CLRN1: variants seen among roughly 807,000 people sequenced by gnomAD.
CLRN1 encodes clarin 1.
CLRN1 carries 15 observed loss-of-function variants against 18.7 expected under a neutral mutation model. The observed-to-expected ratio is 0.80, with a 90% CI of 0.54 to 1.23. The LOEUF is 1.23. Among genes scored for constraint, CLRN1 ranks in the 50% most tolerant of loss-of-function variants. The pLI is 0.00. For missense variants in CLRN1, 311 were observed against 277.5 expected (o/e 1.12, Z -0.86); for synonymous variants, 104 against 102.9 (o/e 1.01, Z -0.07).
intron 2 of CLRN1, among the ~76,000 whole-genome samples, chr3:150,938,557 C>G (rs541255868): frequency 1.3e-5 from 2 of 152,220 alleles, no homozygotes; most frequent in South Asian, 2.1e-4. Flanking sequence ...GCCAGTCCAT[C>G]TGACCCTCAA....
At chr3:150,948,439 G>C (rs546369842) in intron 1 of CLRN1, among the ~76,000 whole-genome samples, 2 of 134,370 alleles carry the variant, frequency 1.5e-5, no homozygotes, top group Non-Finnish European at 3.1e-5. Context: ...AGCCGAGATC[G>C]CGCCACTGCA....
intron 1 of CLRN1, among the ~76,000 whole-genome samples, chr3:150,952,328 G>C (rs1714531348): frequency 6.6e-6 from 1 of 152,148 alleles, no homozygotes; most frequent in East Asian, 1.9e-4. Context: ...GCAGCTCCCA[G>C]TCAGTCACAG....
chr3:150,958,671 C>A (rs2107977590), intron 1 of CLRN1, among the ~76,000 whole-genome samples: 1 of 152,330 alleles, frequency 6.6e-6, no homozygotes, highest in South Asian at 2.1e-4. Flanking sequence ...TAAGAACTTC[C>A]CTCTGATTTT....
chr3:150,949,589 T>C (rs1409882048), intron 1 of CLRN1, among the ~76,000 whole-genome samples: 5 of 152,076 alleles, frequency 3.3e-5, no homozygotes, highest in Non-Finnish European at 1.5e-5. Flanking sequence ...AGCAATCCCA[T>C]TCACAATTAC....
chr3:150,929,171 A>T (rs553136119), intron 2 of CLRN1, among the ~76,000 whole-genome samples: 1 of 152,110 alleles, frequency 6.6e-6, no homozygotes, highest in Non-Finnish European at 1.5e-5. Context: ...CTCATCTATC[A>T]CTCATTGGTA....
At chr3:150,950,571 A>G (rs1409746146) in intron 1 of CLRN1, among the ~76,000 whole-genome samples, 1 of 152,266 alleles carries the variant, frequency 6.6e-6, no homozygotes, top group Non-Finnish European at 1.5e-5. Flanking sequence ...ATCACTGATC[A>G]TTAGAGAAAT....
chr3:150,939,352 C>T (rs1362413628), intron 2 of CLRN1, among the ~76,000 whole-genome samples: 1 of 152,182 alleles, frequency 6.6e-6, no homozygotes, highest in African/African-American at 2.4e-5. Context: ...TGCTCTGGGG[C>T]CTCTCCTCAA....
chr3:150,962,405 A>G (rs532667937), intron 1 of CLRN1, among the ~76,000 whole-genome samples: 2 of 152,338 alleles, frequency 1.3e-5, no homozygotes, highest in East Asian at 3.9e-4. Context: ...AAATACACCT[A>G]TAACTTTATG....
At chr3:150,963,575 A>C (rs576248371) in intron 1 of CLRN1, among the ~76,000 whole-genome samples, 2 of 152,342 alleles carry the variant, frequency 1.3e-5, no homozygotes, top group African/African-American at 4.8e-5. Flanking sequence ...TTTAAATTTC[A>C]TATGGAACCA....
intron 1 of CLRN1, among the ~76,000 whole-genome samples, chr3:150,950,381 C>T (rs899764241): frequency 6.6e-6 from 1 of 152,158 alleles, no homozygotes. Context: ...AGACAACCTA[C>T]AGAATGGGAG....
chr3:150,942,109 A>T (rs367998734), intron 1 of CLRN1, among the ~76,000 whole-genome samples: 1 of 152,136 alleles, frequency 6.6e-6, no homozygotes, highest in African/African-American at 2.4e-5. Flanking sequence ...CATTTAAAAA[A>T]ATTTATCTTA....
At position 150,927,674 on chromosome 3, in the gene CLRN1, A is replaced by C; in HGVS notation, c.*262T>G. The C allele has an allele frequency of 1.7e-6, 1 of 605,182 alleles. No homozygotes were observed. Among genetic ancestry groups the C allele is most frequent in the Non-Finnish European group, 3.1e-6 (1 of 325,754 alleles). The allele number at this position is 605,182 out of a possible 1,614,324, so 37.5% of individuals were successfully genotyped here. On this transcript the variant is annotated 3_prime_UTR_variant, in exon 3 of 3. Transcript: ENST00000327047. ...CACACACACACATATATATATATGG[A>C]GTAACAATTTGTCGATTCTAGTCAA...
chr3:150,957,943 G>A lies in CLRN1; in HGVS notation c.253+14513C>T, dbSNP rs1284901611. Among the ~76,000 whole-genome samples, 5 of 152,134 alleles carry A rather than the reference G, an allele frequency of 3.3e-5. No individual in the cohort carries two copies. The East Asian group carries it at 7.7e-4, about 23-fold the overall frequency. On this transcript the variant is annotated intron_variant, in intron 1 of 2. Transcript: ENST00000327047. ...CCCAAAGTGCTGGGATTACAGGTATGAGCCACTGCACTCAGCCTTTGTCTA... is the reference window on the plus strand; with the variant it reads ...CCCAAAGTGCTGGGATTACAGGTATAAGCCACTGCACTCAGCCTTTGTCTA...
At chr3:150,969,314 T>TATATATATATATATATATATATTTTTG (rs1491446852) in intron 1 of CLRN1, among the ~76,000 whole-genome samples, 1 of 35,904 alleles carries the variant, frequency 2.8e-5, no homozygotes, top group African/African-American at 1.3e-4. Context: ...TATATATATA[T>TATATATATATATATATATATATTTTTG]TTTTTTTTTT....
chr3:150,943,851 T>A (rs776362523), intron 1 of CLRN1: 4 of 1,614,198 alleles, frequency 2.5e-6, no homozygotes, highest in Non-Finnish European at 3.4e-6. Context: ...GCATGGAGTT[T>A]ACTCCTCACA....
chr3:150,943,136 G>C (rs1031431895), intron 1 of CLRN1, among the ~76,000 whole-genome samples: 3 of 152,206 alleles, frequency 2.0e-5, no homozygotes, highest in African/African-American at 7.2e-5. Context: ...CTTTATAGGA[G>C]AGCTGTTATC....
At chr3:150,956,566 ACCCTCATTACTCGAG>A (rs1714743643) in intron 1 of CLRN1, among the ~76,000 whole-genome samples, 2 of 152,152 alleles carry the variant, frequency 1.3e-5, no homozygotes, top group Non-Finnish European at 2.9e-5. Flanking sequence ...AGGCTGTCAT[ACCCTCATTACTCGAG>A]TCTGCTATTA....
intron 1 of CLRN1, among the ~76,000 whole-genome samples, chr3:150,962,212 T>C (rs974148301): frequency 6.6e-6 from 1 of 152,204 alleles, no homozygotes; most frequent in Non-Finnish European, 1.5e-5. Context: ...AGTTACAGCA[T>C]GCTGAGAGGG....
At chr3:150,949,737 G>A (rs2107965401) in intron 1 of CLRN1, among the ~76,000 whole-genome samples, 1 of 152,098 alleles carries the variant, frequency 6.6e-6, no homozygotes, top group Non-Finnish European at 1.5e-5. Context: ...TCATGGATAG[G>A]AAGAATCAAT....
Sources: allele counts gnomAD v4.1 joint callset (sites outside exome capture counted in the v4.1 genomes callset), GRCh38; gene constraint gnomAD v4.1.1; transcripts MANE v1.5; gene names NCBI Gene and HGNC (gene_info 2026-07-23, HGNC 2026-07-21).